Variants in PCDH9 observed in about 807,000 individuals in gnomAD.
The protein encoded by PCDH9 is protocadherin-9.
In PCDH9, 24 loss-of-function variants were observed where a neutral mutation model predicts 70.6. The observed-to-expected ratio is 0.34, with a 90% confidence interval of 0.25 to 0.48. PCDH9 has a LOEUF of 0.48. Ranked by LOEUF, PCDH9 falls within the 20% of genes least tolerant of loss-of-function variation. The pLI, the probability that PCDH9 is intolerant of heterozygous loss-of-function variation, is 0.99. For missense variants in PCDH9, 1,281 were observed against 1,503.6 expected (o/e 0.85, Z 2.45); for synonymous variants, 562 against 558.5 (o/e 1.01, Z -0.09).
intron 2 of PCDH9, among the ~76,000 whole-genome samples, chr13:67,012,620 T>A (rs1190660478): frequency 6.6e-6 from 1 of 151,958 alleles, no homozygotes; most frequent in Non-Finnish European, 1.5e-5. Context: ...ATACGTTGAA[T>A]GGTTAGTGAG....
At position 66,857,252 on chromosome 13, in the gene PCDH9, T is replaced by G. The variant is rs1442945856; in HGVS notation, c.3138+46252A>C. 3.9e-5 allele frequency among the ~76,000 whole-genome samples: 6 copies of G among 152,232 alleles called. No homozygotes were observed. In the East Asian group the frequency reaches 1.2e-3, roughly 29 times the overall value. On this transcript the variant is annotated intron_variant, in intron 3 of 4. Transcript: ENST00000377865. ...CAGAGGCTGTTGAGAGAGGTGTGCT[T>G]TATTATAAATCCATAATGTATGTTT...
At chr13:66,933,720 A>C (rs564990173) in intron 2 of PCDH9, among the ~76,000 whole-genome samples, 5 of 152,262 alleles carry the variant, frequency 3.3e-5, no homozygotes, top group African/African-American at 9.6e-5. Flanking sequence ...AAGGCAAGGA[A>C]AAGTGTCATC....
intron 3 of PCDH9, among the ~76,000 whole-genome samples, chr13:66,723,356 T>C (rs989281710): frequency 2.0e-5 from 3 of 152,158 alleles, no homozygotes; most frequent in Non-Finnish European, 4.4e-5. Context: ...ACTTAAGAAA[T>C]GTATAATTGT....
intron 2 of PCDH9, among the ~76,000 whole-genome samples, chr13:66,987,171 G>C (rs965290044): frequency 1.3e-5 from 2 of 151,866 alleles, no homozygotes; most frequent in Non-Finnish European, 2.9e-5. Context: ...TTTAGATTTT[G>C]GATGTTTCCA....
chr13:66,739,461 A>G (rs1349529771), intron 3 of PCDH9, among the ~76,000 whole-genome samples: 6 of 150,526 alleles, frequency 4.0e-5, no homozygotes, highest in African/African-American at 1.5e-4. Flanking sequence ...AGCTAACATC[A>G]TAATGACAGG....
chr13:67,229,662 C>T lies in PCDH9; in HGVS notation c.-136+118G>A, dbSNP rs377552957. ...AGTGATGCAGGTAGGGATGCAGATACAGCCGAGTAGGTGAGCTCTGCCCCA... is the reference window on the plus strand; with the variant it reads ...AGTGATGCAGGTAGGGATGCAGATATAGCCGAGTAGGTGAGCTCTGCCCCA... On this transcript the variant is annotated intron_variant, in intron 1 of 4. Transcript: ENST00000377865. 3 of 152,258 alleles carry T rather than the reference C, an allele frequency of 2.0e-5. 1 individual carries two copies. Among genetic ancestry groups the T allele is most frequent in the African/African-American group, 7.2e-5 (3 of 41,458 alleles). 9.4% of individuals were successfully genotyped at this position (152,258 alleles called of 1,614,324 possible). A position where few individuals can be genotyped will look rare whatever the true frequency, so the allele number is the denominator to read the frequency against.
intron 2 of PCDH9, among the ~76,000 whole-genome samples, chr13:67,175,611 C>T (rs1053765376): frequency 1.3e-5 from 2 of 152,114 alleles, no homozygotes; most frequent in Non-Finnish European, 2.9e-5. Context: ...TAGTCCTTCC[C>T]ATTCAGGATT....
chr13:66,955,998 A>G (rs2083260859), intron 2 of PCDH9, among the ~76,000 whole-genome samples: 1 of 152,172 alleles, frequency 6.6e-6, no homozygotes, highest in Non-Finnish European at 1.5e-5. Context: ...GCTATTCAGA[A>G]GGCTGAGGCA....
intron 3 of PCDH9, among the ~76,000 whole-genome samples, chr13:66,633,320 C>T (rs1593811531): frequency 6.6e-6 from 1 of 152,132 alleles, no homozygotes; most frequent in African/African-American, 2.4e-5. Context: ...TAGGTGAGTG[C>T]TATAGAAAAG....
intron 2 of PCDH9, among the ~76,000 whole-genome samples, chr13:66,960,215 T>G (rs888431433): frequency 1.1e-4 from 16 of 152,224 alleles, no homozygotes; most frequent in Admixed American, 2.0e-4. Flanking sequence ...CAGCCAAAAT[T>G]AGTTGTCAGT....
chr13:66,797,960 G>GGTGTGTGTGTGTGT (rs368524616), intron 3 of PCDH9, among the ~76,000 whole-genome samples: 1 of 147,166 alleles, frequency 6.8e-6, no homozygotes, highest in African/African-American at 2.5e-5. Context: ...TTTCTTGGGG[G>GGTGTGTGTGTGTGT]GTGTGTGTGT....
intron 4 of PCDH9, among the ~76,000 whole-genome samples, chr13:66,502,542 C>T (rs1370027439): frequency 6.6e-6 from 1 of 152,072 alleles, no homozygotes; most frequent in African/African-American, 2.4e-5. Flanking sequence ...ATGAAGTGAG[C>T]AATTTTACCT....
intron 2 of PCDH9, among the ~76,000 whole-genome samples, chr13:67,026,433 T>A (rs942920186): frequency 6.6e-6 from 1 of 152,096 alleles, no homozygotes; most frequent in Non-Finnish European, 1.5e-5. Flanking sequence ...AAGAGCTATC[T>A]ATGACATACC....
chr13:67,181,410 T>A (rs2088612256), intron 2 of PCDH9, among the ~76,000 whole-genome samples: 1 of 151,976 alleles, frequency 6.6e-6, no homozygotes, highest in Non-Finnish European at 1.5e-5. Flanking sequence ...TCACAGGAGG[T>A]TCAGGAGAGA....
chr13:67,065,399 CT>C (rs201082487), intron 2 of PCDH9, among the ~76,000 whole-genome samples: 1 of 152,118 alleles, frequency 6.6e-6, no homozygotes, highest in Non-Finnish European at 1.5e-5. Context: ...TCTTTCCCAA[CT>C]TTTTTTCAAT....
intron 3 of PCDH9, among the ~76,000 whole-genome samples, chr13:66,634,796 C>T (rs1050297178): frequency 2.0e-5 from 3 of 152,100 alleles, no homozygotes; most frequent in Non-Finnish European, 4.4e-5. Context: ...CCCCCACCCC[C>T]TCCAAAAAAG....
intron 3 of PCDH9, among the ~76,000 whole-genome samples, chr13:66,827,804 A>G (rs2080851570): frequency 6.6e-6 from 1 of 152,168 alleles, no homozygotes. Flanking sequence ...AGGAAGACTC[A>G]CCTAGAGGAT....
At chr13:67,074,054 ATCT>A (rs1448652080) in intron 2 of PCDH9, among the ~76,000 whole-genome samples, 1 of 148,904 alleles carries the variant, frequency 6.7e-6, no homozygotes, top group Non-Finnish European at 1.5e-5. Context: ...CTATCTATCT[ATCT>A]ATCTATCTAT....
At chr13:67,047,123 T>C (rs1027838043) in intron 2 of PCDH9, among the ~76,000 whole-genome samples, 1 of 152,142 alleles carries the variant, frequency 6.6e-6, no homozygotes, top group Non-Finnish European at 1.5e-5. Flanking sequence ...AGGATAATGA[T>C]GTACTCTTGG....
Sources: allele counts gnomAD v4.1 joint callset (sites outside exome capture counted in the v4.1 genomes callset), GRCh38; gene constraint gnomAD v4.1.1; transcripts MANE v1.5; gene names NCBI Gene and HGNC (gene_info 2026-07-23, HGNC 2026-07-21).